TRAPPC9: variants seen among roughly 807,000 people sequenced by gnomAD.
TRAPPC9 encodes the protein IKK2 binding protein.
TRAPPC9 carries 83 observed loss-of-function variants against 124.0 expected under a neutral mutation model. The observed-to-expected ratio is 0.67, with a 90% CI of 0.56 to 0.80. The LOEUF is 0.80. TRAPPC9 is among the 30% of genes least tolerant of loss of function. The pLI is 0.00. For missense variants in TRAPPC9, 1,302 were observed against 1,508.3 expected (o/e 0.86, Z 2.27); for synonymous variants, 638 against 617.5 (o/e 1.03, Z -0.49).
At chr8:140,268,780 C>T (rs566837605) in intron 15 of TRAPPC9, among the ~76,000 whole-genome samples, 10 of 152,230 alleles carry the variant, frequency 6.6e-5, no homozygotes, top group Admixed American at 2.0e-4. Context: ...CAAAGACAGA[C>T]GAAGTGTAGG....
intron 3 of TRAPPC9, among the ~76,000 whole-genome samples, chr8:140,436,595 A>G (rs902576718): frequency 1.3e-5 from 2 of 152,180 alleles, no homozygotes; most frequent in Non-Finnish European, 2.9e-5. Flanking sequence ...GAGGCTGAGC[A>G]TGGAAGAGGC....
At chr8:139,870,486 C>T (rs773534061) in intron 21 of TRAPPC9, among the ~76,000 whole-genome samples, 8 of 152,152 alleles carry the variant, frequency 5.3e-5, no homozygotes, top group Non-Finnish European at 1.2e-4. Context: ...TTGTTGCCAT[C>T]ATGCTTATAA....
intron 17 of TRAPPC9, among the ~76,000 whole-genome samples, chr8:140,057,101 G>T (rs534144123): frequency 1.3e-5 from 2 of 152,116 alleles, no homozygotes; most frequent in African/African-American, 4.8e-5. Context: ...GCTCAGCCTC[G>T]TAAGTAATTA....
intron 21 of TRAPPC9, among the ~76,000 whole-genome samples, chr8:139,736,140 C>T (rs1476190549): frequency 1.3e-5 from 2 of 152,152 alleles, no homozygotes; most frequent in African/African-American, 4.8e-5. Context: ...CCAGCCAGAG[C>T]GAGCACTCCT....
At chr8:140,114,584 A>G (rs993745416) in intron 17 of TRAPPC9, among the ~76,000 whole-genome samples, 1 of 152,162 alleles carries the variant, frequency 6.6e-6, no homozygotes. Context: ...TCATAATAGG[A>G]CCATCCGTCA....
At chr8:140,285,441 C>T (rs1303216258) in intron 13 of TRAPPC9, among the ~76,000 whole-genome samples, 2 of 152,210 alleles carry the variant, frequency 1.3e-5, no homozygotes, top group African/African-American at 4.8e-5. Context: ...ATCCTGGATC[C>T]TGAGGGATGG....
At chr8:140,338,632 C>T (rs1440027106) in intron 9 of TRAPPC9, among the ~76,000 whole-genome samples, 1 of 152,230 alleles carries the variant, frequency 6.6e-6, no homozygotes, top group Non-Finnish European at 1.5e-5. Context: ...TGACTGGCGT[C>T]CTTATAACGA....
rs550562575 is a variant in TRAPPC9, at chr8:140,011,404, T to C, written c.2699+12533A>G. On this transcript the variant is annotated intron_variant, in intron 18 of 22. Coordinates refer to ENST00000438773, the MANE Select transcript of TRAPPC9 (RefSeq NM_001160372.4). ...TATATATTTAGATGAATTAAAAATT[T>C]GGAAAAATTTGTGTCAAATTTTTAA... Among the ~76,000 whole-genome samples the C allele has an allele frequency of 2.9e-4, 44 of 151,796 alleles. No individual in the cohort carries two copies. The East Asian group carries it at 7.7e-3, about 27-fold the overall frequency.
intron 21 of TRAPPC9, among the ~76,000 whole-genome samples, chr8:139,737,967 G>A (rs731328): frequency 0.057 from 8,725 of 152,260 alleles, 354 homozygotes; most frequent in Admixed American, 0.13. Context: ...GGCTGGCTGT[G>A]AACACTGACG....
intron 19 of TRAPPC9, among the ~76,000 whole-genome samples, chr8:139,980,902 G>A (rs1277491090): frequency 2.0e-5 from 3 of 152,146 alleles, no homozygotes; most frequent in African/African-American, 4.8e-5. Flanking sequence ...GACAACAGAG[G>A]CAAAGACCCA....
intron 17 of TRAPPC9, among the ~76,000 whole-genome samples, chr8:140,148,513 T>A (rs2061494544): frequency 6.6e-6 from 1 of 152,232 alleles, no homozygotes; most frequent in Non-Finnish European, 1.5e-5. Context: ...AGAGTCATTT[T>A]AATGTGCCAC....
chr8:140,437,842 C>T (rs1420299127), intron 3 of TRAPPC9, among the ~76,000 whole-genome samples: 6 of 152,152 alleles, frequency 3.9e-5, no homozygotes, highest in South Asian at 2.1e-4. Context: ...CTCCAGGAGG[C>T]GCAGTCCCCA....
At chr8:140,044,915 T>C (rs1563717675) in intron 17 of TRAPPC9, among the ~76,000 whole-genome samples, 1 of 152,190 alleles carries the variant, frequency 6.6e-6, no homozygotes, top group Non-Finnish European at 1.5e-5. Flanking sequence ...CGCAGTAATA[T>C]AGTCTACGTC....
intron 19 of TRAPPC9, among the ~76,000 whole-genome samples, chr8:139,934,154 C>T (rs1229565202): frequency 6.6e-6 from 1 of 152,102 alleles, no homozygotes; most frequent in African/African-American, 2.4e-5. Context: ...CAACAAAATG[C>T]TTTGTGTGCC....
chr8:140,107,692 CA>C (rs1483716297), intron 17 of TRAPPC9, among the ~76,000 whole-genome samples: 1 of 152,158 alleles, frequency 6.6e-6, no homozygotes, highest in African/African-American at 2.4e-5. Context: ...CAGGCGAAGG[CA>C]TGGAAATCAT....
At chr8:140,370,217 G>A (rs2068242260) in intron 8 of TRAPPC9, among the ~76,000 whole-genome samples, 1 of 151,564 alleles carries the variant, frequency 6.6e-6, no homozygotes, top group Admixed American at 6.6e-5. Flanking sequence ...CCAGCTCACT[G>A]CAACCTCCAC....
At chr8:140,072,590 G>GA (rs1843239938) in intron 17 of TRAPPC9, among the ~76,000 whole-genome samples, 3 of 24,250 alleles carry the variant, frequency 1.2e-4, no homozygotes, top group African/African-American at 4.2e-4. Context: ...AGGAGGAGAA[G>GA]GGAAGGAGGA....
intron 21 of TRAPPC9, among the ~76,000 whole-genome samples, chr8:139,877,425 T>A (rs1459174079): frequency 3.3e-5 from 5 of 152,068 alleles, no homozygotes; most frequent in Admixed American, 3.3e-4. Flanking sequence ...ACCTGGAGGA[T>A]GGGAGCAGCA....
intron 6 of TRAPPC9, among the ~76,000 whole-genome samples, chr8:140,400,667 T>C (rs1266798554): frequency 6.6e-6 from 1 of 151,586 alleles, no homozygotes; most frequent in East Asian, 1.9e-4. Context: ...AACTGGGGAG[T>C]ATCTCTTAAG....
Sources: allele counts gnomAD v4.1 joint callset (sites outside exome capture counted in the v4.1 genomes callset), GRCh38; gene constraint gnomAD v4.1.1; transcripts MANE v1.5; gene names NCBI Gene and HGNC (gene_info 2026-07-23, HGNC 2026-07-21).